ZNF19: variants seen among roughly 807,000 people sequenced by gnomAD.
ZNF19 encodes the protein zinc finger protein 19.
A neutral mutation model predicts 13.1 loss-of-function variants in ZNF19; 11 were observed. That is an observed-to-expected ratio of 0.84 (90% CI 0.53 to 1.39). The LOEUF (loss-of-function observed/expected upper bound fraction) is 1.39. Ranked by LOEUF, ZNF19 falls within the 40% of genes most tolerant of loss-of-function variation. The pLI is 0.00. For synonymous variants in ZNF19, 186 were observed against 187.0 expected (o/e 0.99, Z 0.04); for missense variants, 560 against 547.0 (o/e 1.02, Z -0.24).
chr16:71,476,405 G>T, intron 5 of ZNF19, 133 bp from the exon 6 acceptor site: 1 of 1,136,030 alleles, frequency 8.8e-7, no homozygotes, highest in Non-Finnish European at 1.2e-6. Context: ...AGAAAAGGCT[G>T]TTAAAGTGAA....
intron 1 of ZNF19, among the ~76,000 whole-genome samples, chr16:71,485,335 A>C (rs13335958): frequency 0.036 from 5,448 of 152,082 alleles, 312 homozygotes; most frequent in African/African-American, 0.12. Context: ...CTGTAATCCC[A>C]GCTACTCGGG....
rs1404284536 is a variant in ZNF19, at chr16:71,475,032, T to C, written c.*138A>G. 4 of 1,085,474 alleles carry C rather than the reference T, an allele frequency of 3.7e-6. No individual in the cohort carries two copies. The highest frequency in any genetic ancestry group is 5.2e-6 in the Non-Finnish European group (4 of 773,112). 67.2% of individuals were successfully genotyped at this position (1,085,474 alleles called of 1,614,324 possible). A position where few individuals can be genotyped will look rare whatever the true frequency, so the allele number is the denominator to read the frequency against. On this transcript the variant is annotated 3_prime_UTR_variant, in exon 6 of 6. Coordinates refer to ENST00000288177, the MANE Select transcript of ZNF19 (RefSeq NM_006961.4). ...CAATCCTGGGACTCTAATTGAACCA[T>C]CTTTGGTCATCTACTGACATCTGAA... is the stretch of plus-strand genomic sequence containing the variant.
intron 1 of ZNF19, among the ~76,000 whole-genome samples, chr16:71,485,294 A>G (rs528852228): frequency 1.3e-5 from 2 of 152,222 alleles, no homozygotes; most frequent in South Asian, 4.2e-4. Flanking sequence ...TACTAAAAAT[A>G]CAAAAATTAG....
At chr16:71,481,006 T>G (rs1298856606) in intron 3 of ZNF19, among the ~76,000 whole-genome samples, 1 of 152,162 alleles carries the variant, frequency 6.6e-6, no homozygotes, top group African/African-American at 2.4e-5. Flanking sequence ...CAAACAAAAT[T>G]CCAGAGAAGG....
intron 2 of ZNF19, among the ~76,000 whole-genome samples, chr16:71,482,672 G>C (rs1040545333): frequency 6.6e-6 from 1 of 152,024 alleles, no homozygotes. Flanking sequence ...TCCCACACTA[G>C]ATCTGCCAGG....
Position 71,474,929 on chromosome 16 carries a change from A to G in ZNF19, c.*241T>C, listed in dbSNP as rs772438985. 7.9e-6 allele frequency: 4 copies of G among 507,002 alleles called. No individual in the cohort carries two copies. Among genetic ancestry groups the G allele is most frequent in the Non-Finnish European group, 1.0e-5 (3 of 289,132 alleles). The allele number at this position is 507,002 out of a possible 1,614,324, so 31.4% of individuals were successfully genotyped here. On this transcript the variant is annotated 3_prime_UTR_variant, in exon 6 of 6. Transcript: ENST00000288177. Reference sequence around the variant, plus strand: ...GTGTGGACTTCATTCTCACCTCTGTAAGAGTCTAGTTCTTCTTCTCAGCAT... The same window carrying G: ...GTGTGGACTTCATTCTCACCTCTGTGAGAGTCTAGTTCTTCTTCTCAGCAT...
chr16:71,483,513 C>T (rs2043651081), intron 2 of ZNF19, among the ~76,000 whole-genome samples: 1 of 152,138 alleles, frequency 6.6e-6, no homozygotes, highest in South Asian at 2.1e-4. Flanking sequence ...CTTCTCCAAT[C>T]TCAGAACCAT....
At chr16:71,479,456 T>C (rs1336501559) in intron 3 of ZNF19, among the ~76,000 whole-genome samples, 1 of 152,204 alleles carries the variant, frequency 6.6e-6, no homozygotes, top group African/African-American at 2.4e-5. Flanking sequence ...GTGTTCACCC[T>C]GCCCCAAACC....
intron 1 of ZNF19, among the ~76,000 whole-genome samples, chr16:71,485,642 A>C (rs535833940): frequency 3.3e-5 from 5 of 152,172 alleles, no homozygotes; most frequent in Admixed American, 2.6e-4. Context: ...TGAAGGTGCC[A>C]TTAGCTGAGA....
In ZNF19 at chr16:71,489,303, C is replaced by A. The variant is rs2043704348; in HGVS notation, c.-221G>T. On this transcript the variant is annotated 5_prime_UTR_variant, in exon 1 of 6. Coordinates refer to ENST00000288177, the MANE Select transcript of ZNF19 (RefSeq NM_006961.4). ...GCGCGGACTCAAAACAGGCCAGAAG[C>A]GCACCGCTAGCGAGAACGGTTAGGA... 1 of 985,504 alleles carries A rather than the reference C, an allele frequency of 1.0e-6. No individual in the cohort carries two copies. Among genetic ancestry groups the A allele is most frequent in the Non-Finnish European group, 1.2e-6 (1 of 829,974 alleles). 61.0% of individuals were successfully genotyped at this position (985,504 alleles called of 1,614,324 possible).
intron 3 of ZNF19, 89 bp downstream of exon 3, chr16:71,481,993 G>T: frequency 6.9e-7 from 1 of 1,441,608 alleles, no homozygotes; most frequent in Non-Finnish European, 9.7e-7. Flanking sequence ...TACTGCTTTG[G>T]CTCTAAGACT....
Position 71,483,544 on chromosome 16 carries a change from TGCCATTCTCTCCAGTAATCTAGCC to T in ZNF19, c.-30+1021_-30+1044del, listed in dbSNP as rs549531480. ...ACCATTACAACTGAGATTCTCTGCC[TGCCATTCTCTCCAGTAATCTAGCC>T]GCCATTCTCTCCAGTAATCTATCCA... On this transcript the variant is annotated intron_variant, in intron 2 of 5. Transcript: ENST00000288177. 6.7e-4 allele frequency among the ~76,000 whole-genome samples: 102 copies of T among 152,322 alleles called. No homozygotes were observed. In the South Asian group the frequency reaches 7.9e-3, roughly 12 times the overall value.
At chr16:71,483,831 C>T (rs544699417) in intron 2 of ZNF19, among the ~76,000 whole-genome samples, 1 of 152,358 alleles carries the variant, frequency 6.6e-6, no homozygotes, top group East Asian at 1.9e-4. Flanking sequence ...CCTCGCAGAG[C>T]TTAGTCTAAA....
rs1473621672 is a variant in ZNF19, at chr16:71,478,300, T to C, written c.202A>G (p.Arg68Gly). Residue 68 changes from arginine to glycine, a missense_variant, in exon 5 of 6, where the codon AGA becomes GGA. By Grantham distance (125) the Arg-to-Gly change is moderately radical. Transcript: ENST00000288177. ...TCCAGGCCCCAAGCCATGTCCCCTC[T>C]CTCCAAAAGTGAGATCAGTGCAGGT... ...PKPALISLLE[R>G]GDMAWGLEAQ... 1 of 1,613,876 alleles carries C rather than the reference T, an allele frequency of 6.2e-7. No individual in the cohort carries two copies. Among genetic ancestry groups the C allele is most frequent in the Non-Finnish European group, 8.5e-7 (1 of 1,179,992 alleles).
rs145033718 is a variant in ZNF19 at position 71,475,585 on chromosome 16, C to T, written c.962G>A (p.Arg321His). 1.5e-5 allele frequency: 24 copies of T among 1,614,062 alleles called. No individual in the cohort carries two copies. Among genetic ancestry groups the T allele is most frequent in the Middle Eastern group, 1.6e-4 (1 of 6,062 alleles). ...GRTSHLSQHQ[R>H]IHTGEKPYSC... ...ATAAGGCTTTTCCCCTGTGTGAATACGCTGATGTTGGCTTAGATGGGAAGT... is the reference window on the plus strand; with the variant it reads ...ATAAGGCTTTTCCCCTGTGTGAATATGCTGATGTTGGCTTAGATGGGAAGT... The change falls in exon 6 of 6, where the codon CGT (arginine) becomes CAT (histidine). Residue 321 changes from arginine (R) to histidine (H), a missense_variant. Physicochemically the swap from Arg to His is conservative, Grantham distance 29 (BLOSUM62 0). Coordinates refer to ENST00000288177, the MANE Select transcript of ZNF19 (RefSeq NM_006961.4).
rs778486351 is a variant in ZNF19 at position 71,478,259 on chromosome 16, G to A, written c.243C>T (p.Pro81=). 1.2e-5 allele frequency: 20 copies of A among 1,613,914 alleles called. No individual in the cohort carries two copies. The highest frequency in any genetic ancestry group is 4.4e-5 in the South Asian group (4 of 91,056). Residue 81 remains proline (P), a synonymous_variant, in exon 5 of 6, where the codon CCC becomes CCT. Transcript: ENST00000288177. ...MAWGLEAQDD[P]PAERTKNVCK... ...AGACGTTTTTGGTCCTCTCTGCTGG[G>A]GGATCATCCTGTGCTTCCAGGCCCC... is the stretch of plus-strand genomic sequence containing the variant.
chr16:71,477,460 A>G (rs1329128917), intron 5 of ZNF19, among the ~76,000 whole-genome samples: 1 of 151,566 alleles, frequency 6.6e-6, no homozygotes, highest in African/African-American at 2.4e-5. Flanking sequence ...TCTGCCTTCA[A>G]TTTCACTGTT....
chr16:71,476,265 C>G lies in ZNF19; in HGVS notation c.282G>C (p.Glu94Asp). 1.2e-6 allele frequency: 2 copies of G among 1,609,978 alleles called. No homozygotes were observed. Among genetic ancestry groups the G allele is most frequent in the South Asian group, 1.1e-5 (1 of 90,604 alleles). Residue 94 changes from glutamate (E) to aspartate (D), a missense_variant, in exon 6 of 6, where the codon GAG (glutamate) becomes GAC (aspartate). Physicochemically the swap from Glu to Asp is conservative, Grantham distance 45 (BLOSUM62 2). Coordinates refer to ENST00000288177, the MANE Select transcript of ZNF19 (RefSeq NM_006961.4). ...ATGTGGACTCACTGTCAATGTTGGTCTCAACATCTGACATAAGAGATAGAA... is the reference window on the plus strand; with the variant it reads ...ATGTGGACTCACTGTCAATGTTGGTGTCAACATCTGACATAAGAGATAGAA... ...ERTKNVCKDV[E>D]TNIDSESTLI...
At position 71,484,637 on chromosome 16, in the gene ZNF19, T is replaced by G. The variant is rs1244499249; in HGVS notation, c.-78A>C. On this transcript the variant is annotated 5_prime_UTR_variant, in exon 2 of 6. Coordinates refer to ENST00000288177, the MANE Select transcript of ZNF19 (RefSeq NM_006961.4). The stretch of plus-strand genomic sequence containing the variant: ...CGTGAACGGAAGTGCGTCACTACTT[T>G]GGCCTTGCACCCAGGCTCACACGCG... 1 of 985,238 alleles carries G rather than the reference T, an allele frequency of 1.0e-6. No individual in the cohort carries two copies. Among genetic ancestry groups the G allele is most frequent in the Non-Finnish European group, 1.2e-6 (1 of 829,964 alleles). 61.0% of individuals were successfully genotyped at this position (985,238 alleles called of 1,614,324 possible). A position where few individuals can be genotyped will look rare whatever the true frequency, so the allele number is the denominator to read the frequency against.
Sources: gnomAD v4.1 joint callset for allele counts (sites outside exome capture counted in the v4.1 genomes callset) on GRCh38, gnomAD v4.1.1 for gene constraint, MANE v1.5 for transcripts, NCBI Gene and HGNC (gene_info 2026-07-23, HGNC 2026-07-21) for gene names.